CCT7: variants seen among roughly 807,000 people sequenced by gnomAD.
The protein encoded by CCT7 is T-complex protein 1 subunit eta.
CCT7 carries 16 observed loss-of-function variants against 56.6 expected under a neutral mutation model. The ratio of observed to expected loss-of-function variants is 0.28; its 90% confidence interval spans 0.19 to 0.43. The LOEUF (loss-of-function observed/expected upper bound fraction) is 0.43, where lower values mean the gene tolerates loss of function less well. Ranked by LOEUF, CCT7 falls within the 20% of genes least tolerant of loss-of-function variation. The pLI is 1.00. For missense variants in CCT7, 519 were observed against 685.6 expected (o/e 0.76, Z 2.71); for synonymous variants, 262 against 254.8 (o/e 1.03, Z -0.27).
intron 4 of CCT7, 172 bp from the exon 5 acceptor site, chr2:73,243,825 A>T: frequency 1.6e-6 from 1 of 627,240 alleles, no homozygotes; most frequent in Non-Finnish European, 2.8e-6. Flanking sequence ...TCTGAACTAT[A>T]GAGTTTTACA....
At chr2:73,248,507 T>C (rs1370748469) in intron 7 of CCT7, among the ~76,000 whole-genome samples, 1 of 152,102 alleles carries the variant, frequency 6.6e-6, no homozygotes, top group Admixed American at 6.5e-5. Flanking sequence ...TGTGCCACCA[T>C]GCCCAGCTAA....
At chr2:73,236,359 C>G (rs1222025024) in intron 1 of CCT7, among the ~76,000 whole-genome samples, 1 of 150,880 alleles carries the variant, frequency 6.6e-6, no homozygotes, top group East Asian at 1.9e-4. Context: ...TTTTTTTTCC[C>G]GAGATGGAGT....
intron 6 of CCT7, among the ~76,000 whole-genome samples, chr2:73,247,073 T>C (rs938395639): frequency 4.6e-5 from 7 of 152,202 alleles, no homozygotes; most frequent in Non-Finnish European, 8.8e-5. Flanking sequence ...CTTTCTATTA[T>C]GCCCTGCTGT....
chr2:73,234,323 G>T lies in CCT7; in HGVS notation c.-56G>T. 1 of 1,611,884 alleles carries T rather than the reference G, an allele frequency of 6.2e-7. No homozygotes were observed. Among genetic ancestry groups the T allele is most frequent in the Non-Finnish European group, 8.5e-7 (1 of 1,178,156 alleles). On this transcript the variant is annotated 5_prime_UTR_variant, in exon 1 of 12. Coordinates refer to ENST00000258091, the MANE Select transcript of CCT7 (RefSeq NM_006429.4). ...TGCGCGAGGCATTGTGGGTTGCTGG[G>T]CGGCCCGGTCTCGGAGAAGAGGGGA...
rs200400242 is a variant in CCT7, at chr2:73,250,411, C to A, written c.1176C>A (p.Ala392=). Residue 392 remains alanine (A), a synonymous_variant, in exon 10 of 12, where the codon GCC becomes GCA. Transcript: ENST00000258091. ...AGACAGAGCGGTCCCTGCATGATGC[C>A]ATCATGATCGTCAGGAGGGCCATCA... The part of the protein sequence containing the change: ...MEETERSLHD[A]IMIVRRAIKN... 6.8e-6 allele frequency: 11 copies of A among 1,614,102 alleles called. No individual in the cohort carries two copies. Among genetic ancestry groups the A allele is most frequent in the Non-Finnish European group, 9.3e-6 (11 of 1,180,002 alleles).
intron 1 of CCT7, among the ~76,000 whole-genome samples, chr2:73,238,766 AAGT>A (rs1686981839): frequency 6.6e-6 from 1 of 152,316 alleles, no homozygotes. Context: ...TGTGGAGAGA[AAGT>A]AGTCTGGTTT....
rs773330831 is a variant in CCT7, at chr2:73,252,641, G to T, written c.1412G>T (p.Gly471Val). The T allele has an allele frequency of 1.9e-6, 3 of 1,612,334 alleles. No individual in the cohort carries two copies. Among genetic ancestry groups the T allele is most frequent in the Non-Finnish European group, 2.5e-6 (3 of 1,178,432 alleles). The change falls in exon 12 of 12, where the codon GGG becomes GTG. Residue 471 changes from glycine to valine, a missense_variant and splice_region_variant. Physicochemically the swap from Gly to Val is moderately radical, Grantham distance 109 (BLOSUM62 -3). This residue lies in a region of CCT7 where 237 missense variants were observed against 300.8 expected (regional missense o/e 0.79). Coordinates refer to ENST00000258091, the MANE Select transcript of CCT7 (RefSeq NM_006429.4). ...LNKLRARHAQ[G>V]GTWYGVDINN... is the part of the protein sequence containing the mutation. The stretch of plus-strand genomic sequence containing the variant: ...TCCTTTCTTTTCCTACTCTTTTAGG[G>T]GGGTACATGGTATGGAGTAGACATC...
intron 6 of CCT7, among the ~76,000 whole-genome samples, chr2:73,246,959 C>CT (rs1687367801): frequency 6.6e-6 from 1 of 152,078 alleles, no homozygotes; most frequent in Non-Finnish European, 1.5e-5. Flanking sequence ...ACTGAATACC[C>CT]TTTTTTATGG....
chr2:73,247,587 A>AG (rs1687398147), intron 6 of CCT7, among the ~76,000 whole-genome samples, 175 bp from the exon 7 acceptor site: 1 of 152,132 alleles, frequency 6.6e-6, no homozygotes, highest in Admixed American at 6.5e-5. Flanking sequence ...TTAAAAAAAA[A>AG]AAAAAGGATT....
Position 73,252,769 on chromosome 2 carries a change from G to C in CCT7, c.1540G>C (p.Val514Leu), listed in dbSNP as rs201986105. 1 of 1,614,158 alleles carries C rather than the reference G, an allele frequency of 6.2e-7. No homozygotes were observed. The highest frequency in any genetic ancestry group is 1.7e-5 in the Admixed American group (1 of 60,018). Residue 514 changes from valine (V) to leucine (L), a missense_variant, in exon 12 of 12, where the codon GTG (valine) becomes CTG (leucine). Transcript: ENST00000258091. Reference sequence around the variant, plus strand: ...AGCCTCTGAGGCTGCGTGCCTGATCGTGTCTGTAGATGAAACCATCAAGAA... The same window carrying C: ...AGCCTCTGAGGCTGCGTGCCTGATCCTGTCTGTAGATGAAACCATCAAGAA... ...TAASEAACLI[V>L]SVDETIKNPR... is the part of the protein sequence containing the mutation.
At chr2:73,246,966 A>G (rs1437383954) in intron 6 of CCT7, among the ~76,000 whole-genome samples, 1 of 152,060 alleles carries the variant, frequency 6.6e-6, no homozygotes, top group East Asian at 1.9e-4. Flanking sequence ...ACCCTTTTTT[A>G]TGGTGTGGGA....
Position 73,252,749 on chromosome 2 carries a change from C to T in CCT7, c.1520C>T (p.Ser507Phe). 1 of 1,614,194 alleles carries T rather than the reference C, an allele frequency of 6.2e-7. No individual in the cohort carries two copies. Among genetic ancestry groups the T allele is most frequent in the African/African-American group, 1.3e-5 (1 of 75,050 alleles). The change falls in exon 12 of 12, where the codon TCT becomes TTT. Residue 507 changes from serine to phenylalanine, a missense_variant. Physicochemically the swap from Ser to Phe is radical, Grantham distance 155. Around this residue, in one of 3 missense-constraint regions of CCT7, gnomAD observed 237 missense variants for 300.8 expected, o/e 0.79. Coordinates refer to ENST00000258091, the MANE Select transcript of CCT7 (RefSeq NM_006429.4). Reference protein sequence around the residue: ...MVRINALTAASEAACLIVSVD... With the variant: ...MVRINALTAAFEAACLIVSVD... ...CGGATCAATGCGCTGACAGCAGCCT[C>T]TGAGGCTGCGTGCCTGATCGTGTCT...
intron 1 of CCT7, among the ~76,000 whole-genome samples, chr2:73,234,715 C>T (rs192899754): frequency 6.6e-6 from 1 of 152,352 alleles, no homozygotes; most frequent in East Asian, 1.9e-4. Context: ...GAAACGAGTG[C>T]AGGTCGGCCG....
chr2:73,243,090 C>G lies in CCT7; in HGVS notation c.354C>G (p.Pro118=). 3.7e-6 allele frequency: 6 copies of G among 1,613,998 alleles called. No homozygotes were observed. Among genetic ancestry groups the G allele is most frequent in the Non-Finnish European group, 5.1e-6 (6 of 1,179,886 alleles). Residue 118 remains proline, a synonymous_variant, in exon 4 of 12, where the codon CCC becomes CCG. Coordinates refer to ENST00000258091, the MANE Select transcript of CCT7 (RefSeq NM_006429.4). ...VKPYVEEGLH[P]QIIIRAFRTA... ...CCTATGTGGAGGAAGGTTTACACCC[C>G]CAGATCATCATTCGAGCTTTCCGCA...
At chr2:73,234,521 G>C in intron 1 of CCT7, 137 bp downstream of exon 1, 9 of 1,064,260 alleles carry the variant, frequency 8.5e-6, no homozygotes, top group Non-Finnish European at 1.2e-5. Context: ...GCTTAGGGGC[G>C]ACCCCAGCCA....
At chr2:73,243,278 T>C (rs759188213) in intron 4 of CCT7, 149 bp downstream of exon 4, 41 of 810,740 alleles carry the variant, frequency 5.1e-5, no homozygotes, top group Non-Finnish European at 7.9e-5. Flanking sequence ...TCAGTTCTAC[T>C]AATCTGTAGC....
Position 73,239,953 on chromosome 2 carries a change from C to T in CCT7, c.160+157C>T, listed in dbSNP as rs1687036847. ...AGTTCCAATTCTTATATTGTCCTGA[C>T]TGCTGAGCCCGTGTGGGACTATATG... On this transcript the variant is annotated intron_variant, in intron 2 of 11. Coordinates refer to ENST00000258091, the MANE Select transcript of CCT7 (RefSeq NM_006429.4). The T allele has an allele frequency of 1.5e-5, 10 of 666,426 alleles. No individual in the cohort carries two copies. The East Asian group carries it at 2.5e-4, about 17-fold the overall frequency. The allele number at this position is 666,426 out of a possible 1,614,324, so 41.3% of individuals were successfully genotyped here.
intron 4 of CCT7, chr2:73,243,769 A>G (rs1687214856): frequency 4.0e-6 from 2 of 501,084 alleles, no homozygotes. Flanking sequence ...AAGCACCCTG[A>G]TTCTTCAGAA....
In CCT7 at chr2:73,239,444, A is replaced by C. The variant is rs906947278; in HGVS notation, c.7-199A>C. On this transcript the variant is annotated intron_variant, in intron 1 of 11. Transcript: ENST00000258091. ...CCATTTTCCTGTCTAGCATACCTGC[A>C]GGGTAGGCTAAATTTGATAGTGTCT... 11 of 566,076 alleles carry C rather than the reference A, an allele frequency of 1.9e-5. No homozygotes were observed. The African/African-American group carries it at 2.1e-4, about 11-fold the overall frequency. 35.1% of individuals were successfully genotyped at this position (566,076 alleles called of 1,614,324 possible). A position where few individuals can be genotyped will look rare whatever the true frequency, so the allele number is the denominator to read the frequency against.
Sources: gnomAD v4.1 joint callset for allele counts (sites outside exome capture counted in the v4.1 genomes callset) on GRCh38, gnomAD v4.1.1 for gene constraint, gnomAD v4.1.1 regional missense constraint, MANE v1.5 for transcripts, NCBI Gene and HGNC (gene_info 2026-07-23, HGNC 2026-07-21) for gene names.